The following NRAP variants were observed in gnomAD, a reference collection of about 807,000 sequenced individuals.
The protein encoded by NRAP is nebulin related anchoring protein.
Under a neutral mutation model 225.9 loss-of-function variants are expected in NRAP, and 189 were observed. The observed-to-expected ratio is 0.84, with a 90% CI of 0.74 to 0.94. The LOEUF (loss-of-function observed/expected upper bound fraction) is 0.94. NRAP is among the 40% of genes least tolerant of loss of function. The pLI is 0.00. For synonymous variants in NRAP, 769 were observed against 790.7 expected (o/e 0.97, Z 0.46); for missense variants, 2,176 against 2,168.7 (o/e 1.00, Z -0.07).
At chr10:113,662,436 G>A (rs576216036) in intron 3 of NRAP, among the ~76,000 whole-genome samples, 14 of 152,154 alleles carry the variant, frequency 9.2e-5, no homozygotes, top group Admixed American at 7.9e-4. Context: ...ATTACAACAT[G>A]TTCCTTCTTT....
chr10:113,612,486 G>A, intron 29 of NRAP, 55 bp from the exon 30 acceptor site: 1 of 1,460,442 alleles, frequency 6.8e-7, no homozygotes, highest in Non-Finnish European at 9.5e-7. Flanking sequence ...TTTGCAACAG[G>A]ACCATCAGGG....
At chr10:113,629,140 G>A in intron 19 of NRAP, 119 bp from the exon 20 acceptor site, 1 of 751,274 alleles carries the variant, frequency 1.3e-6, no homozygotes, top group Non-Finnish European at 2.3e-6. Context: ...ACTGCTCCCT[G>A]CTCCTTTATG....
In NRAP at chr10:113,631,619, AAAG is replaced by A. The variant is rs760707796; in HGVS notation, c.1741-12_1741-10del. 185 of 1,564,486 alleles carry A rather than the reference AAAG, an allele frequency of 1.2e-4. 4 individuals are homozygous for A. The Middle Eastern group carries it at 0.011, about 95-fold the overall frequency. ...TCTTCTTTATATTTAATCTTGAGAG[AAAG>A]AAGAAGGTCTACTGTGAGTGAGAGA... On this transcript the variant is annotated splice_polypyrimidine_tract_variant and intron_variant, in intron 17 of 41. Coordinates refer to ENST00000359988, the MANE Select transcript of NRAP (RefSeq NM_198060.4).
rs773251144 is a variant in NRAP, at chr10:113,612,266, A to G, written c.3466T>C (p.Cys1156Arg). The change falls in exon 30 of 42, where the codon TGT (cysteine) becomes CGT (arginine). Residue 1156 changes from cysteine to arginine, a missense_variant. Coordinates refer to ENST00000359988, the MANE Select transcript of NRAP (RefSeq NM_198060.4). ...TGCAATTTGTGAGCTTTCTTGGCACAGCTCAGCCTCAGGTCTTCTGCCAAG... is the reference window on the plus strand; with the variant it reads ...TGCAATTTGTGAGCTTTCTTGGCACGGCTCAGCCTCAGGTCTTCTGCCAAG... Reference protein sequence around the residue: ...TSLAEDLRLSCAKKAHKLQSE... With the variant: ...TSLAEDLRLSRAKKAHKLQSE... 1.5e-5 allele frequency: 25 copies of G among 1,614,062 alleles called. No homozygotes were observed. The highest frequency in any genetic ancestry group is 1.8e-5 in the Non-Finnish European group (21 of 1,180,028).
In NRAP at chr10:113,626,046, C is replaced by A. The variant is rs150140934; in HGVS notation, c.2244+1G>T. ...TGGAGAAAGGGCAGCCCAGGACTCA[C>A]CCCGCTCTGTAGCTCCTGGCTCTTC... On this transcript the variant is annotated splice_donor_variant, in intron 21 of 41. Transcript: ENST00000359988. LOFTEE classifies it high-confidence loss of function. 1.9e-6 allele frequency: 3 copies of A among 1,607,230 alleles called. No homozygotes were observed. Among genetic ancestry groups the A allele is most frequent in the East Asian group, 2.2e-5 (1 of 44,774 alleles).
intron 14 of NRAP, among the ~76,000 whole-genome samples, chr10:113,638,847 A>C (rs564670229): frequency 4.6e-5 from 7 of 152,222 alleles, no homozygotes; most frequent in African/African-American, 1.7e-4. Context: ...AAACTCAATT[A>C]ATATTTCTAA....
At chr10:113,629,299 T>A (rs770234692) in intron 19 of NRAP, among the ~76,000 whole-genome samples, 2 of 152,150 alleles carry the variant, frequency 1.3e-5, no homozygotes, top group Non-Finnish European at 2.9e-5. Flanking sequence ...TTTGCCAACC[T>A]GCTAAATTTC....
At chr10:113,646,714 G>A (rs752972809) in intron 10 of NRAP, among the ~76,000 whole-genome samples, 4 of 152,206 alleles carry the variant, frequency 2.6e-5, no homozygotes, top group Non-Finnish European at 5.9e-5. Flanking sequence ...GGCCTCAAGC[G>A]AGCTATGCTG....
Position 113,639,234 on chromosome 10 carries a change from C to T in NRAP, c.1428+993G>A, listed in dbSNP as rs146312891. On this transcript the variant is annotated intron_variant, in intron 14 of 41. Coordinates refer to ENST00000359988, the MANE Select transcript of NRAP (RefSeq NM_198060.4). The stretch of plus-strand genomic sequence containing the variant: ...CCTGATCAATTCCTCAGCTTCCTTC[C>T]TCCTGTTTTATTACACATTTGGAAA... Among the ~76,000 whole-genome samples the T allele has an allele frequency of 1.1e-4, 16 of 152,248 alleles. No homozygotes were observed. In the East Asian group the frequency reaches 3.1e-3, roughly 29 times the overall value.
chr10:113,642,889 G>C (rs373024546), intron 12 of NRAP, 45 bp downstream of exon 12: 8 of 988,840 alleles, frequency 8.1e-6, no homozygotes, highest in Non-Finnish European at 1.3e-5. Context: ...TAAAGACTAA[G>C]CTCACCAACA....
chr10:113,650,226 T>C lies in NRAP; in HGVS notation c.784-85A>G, dbSNP rs565302655. The C allele has an allele frequency of 6.8e-5, 63 of 924,236 alleles. No homozygotes were observed. In the African/African-American group the frequency reaches 9.2e-4, roughly 14 times the overall value. The allele number at this position is 924,236 out of a possible 1,614,324, so 57.3% of individuals were successfully genotyped here. ...AGTAAAAGTGAATGTCTTAATGGAA[T>C]GTTCTTTTTCTGCTTGGATCTAGGG... On this transcript the variant is annotated intron_variant, in intron 8 of 41. Transcript: ENST00000359988.
In NRAP at chr10:113,612,363, C is replaced by G. The variant is rs780477627; in HGVS notation, c.3369G>C (p.Leu1123=). The change falls in exon 30 of 42, where the codon CTG becomes CTC. Residue 1123 remains leucine (L), a synonymous_variant. Transcript: ENST00000359988. ...GGGTCTGAGCCTTCTTGGCATGCAC[C>G]AGGGCGGCCATGTCCAACGGCAGAT... ...QFHLPLDMAA[L]VHAKKAQTLA... 39 of 1,614,076 alleles carry G rather than the reference C, an allele frequency of 2.4e-5. No individual in the cohort carries two copies. The highest frequency in any genetic ancestry group is 3.3e-5 in the Non-Finnish European group (39 of 1,180,034).
At chr10:113,603,029 G>T (rs1441005042) in intron 35 of NRAP, among the ~76,000 whole-genome samples, 1 of 152,170 alleles carries the variant, frequency 6.6e-6, no homozygotes, top group Non-Finnish European at 1.5e-5. Context: ...AAATGTCAAA[G>T]GTGCAGACGT....
chr10:113,644,521 T>C (rs1216848417), intron 11 of NRAP, among the ~76,000 whole-genome samples: 1 of 152,238 alleles, frequency 6.6e-6, no homozygotes, highest in Non-Finnish European at 1.5e-5. Context: ...AAATAAAACT[T>C]ATTTAAAAAG....
At chr10:113,635,681 G>A (rs1475524602) in intron 14 of NRAP, among the ~76,000 whole-genome samples, 2 of 152,116 alleles carry the variant, frequency 1.3e-5, no homozygotes, top group Admixed American at 1.3e-4. Flanking sequence ...TCCCACCTCA[G>A]CCTCCTAAAG....
intron 18 of NRAP, among the ~76,000 whole-genome samples, chr10:113,630,288 T>G (rs1429217296): frequency 6.6e-6 from 1 of 152,148 alleles, no homozygotes; most frequent in African/African-American, 2.4e-5. Flanking sequence ...TTGATAAATA[T>G]TCGCATGACA....
chr10:113,655,358 G>A (rs1286750378), intron 4 of NRAP, among the ~76,000 whole-genome samples: 1 of 151,796 alleles, frequency 6.6e-6, no homozygotes, highest in Non-Finnish European at 1.5e-5. Context: ...TACAAAAGAG[G>A]TCTTGAACAA....
At chr10:113,651,976 C>G in intron 6 of NRAP, 69 bp from the exon 7 acceptor site, 1 of 965,812 alleles carries the variant, frequency 1.0e-6, no homozygotes, top group Non-Finnish European at 1.7e-6. Context: ...CTCCCTGTGG[C>G]TCTCCTAAAG....
rs1434300757 is a variant in NRAP, at chr10:113,610,696, C to G, written c.3499-133G>C. 7 of 598,086 alleles carry G rather than the reference C, an allele frequency of 1.2e-5. No individual in the cohort carries two copies. In the Admixed American group the frequency reaches 1.9e-4, roughly 16 times the overall value. 37.0% of individuals were successfully genotyped at this position (598,086 alleles called of 1,614,324 possible). ...AGAACTCAAGGCTGAACCCGTCCCT[C>G]CGGATATATTAAACTCAGCCAACGC... On this transcript the variant is annotated intron_variant, in intron 30 of 41. Coordinates refer to ENST00000359988, the MANE Select transcript of NRAP (RefSeq NM_198060.4).
Sources: allele counts gnomAD v4.1 joint callset (sites outside exome capture counted in the v4.1 genomes callset), GRCh38; gene constraint gnomAD v4.1.1; transcripts MANE v1.5; gene names NCBI Gene and HGNC (gene_info 2026-07-23, HGNC 2026-07-21).